LRP1B: variants seen among roughly 807,000 people sequenced by gnomAD.
LRP1B encodes LDL receptor related protein 1B.
LRP1B carries 217 observed loss-of-function variants against 556.6 expected under a neutral mutation model. The observed-to-expected ratio is 0.39, with a 90% CI of 0.35 to 0.44. The LOEUF (loss-of-function observed/expected upper bound fraction) is 0.44. Ranked by LOEUF, LRP1B falls within the 20% of genes least tolerant of loss-of-function variation. The pLI is 1.00. For missense variants in LRP1B, 5,053 were observed against 5,620.8 expected, an observed-to-expected ratio of 0.90 and a Z score of 3.23; for synonymous variants, 2,047 against 1,865.8, an observed-to-expected ratio of 1.10 and a Z score of -2.50.
At chr2:140,801,427 A>C (rs6429846) in intron 32 of LRP1B, among the ~76,000 whole-genome samples, 67,467 of 151,972 alleles carry the variant, frequency 0.44, 16,629 homozygotes, top group East Asian at 0.66. Flanking sequence ...GTTTACCCGG[A>C]TGTAGTGCAC....
chr2:141,464,594 A>ATTTTTTTTTTTTTTTTTT (rs1559084708), intron 3 of LRP1B, among the ~76,000 whole-genome samples: 1 of 34,772 alleles, frequency 2.9e-5, no homozygotes, highest in African/African-American at 6.2e-5. Context: ...GTATATATAT[A>ATTTTTTTTTTTTTTTTTT]TATATATATA....
In LRP1B at chr2:141,510,412, A is replaced by G. The variant is rs545945473; in HGVS notation, c.206-29879T>C. 2.0e-5 allele frequency among the ~76,000 whole-genome samples: 3 copies of G among 152,218 alleles called. No homozygotes were observed. The South Asian group carries it at 6.2e-4, about 32-fold the overall frequency. Reference sequence around the variant, plus strand: ...TGAGCATTTATATCTTCCAGTTCCAATCTCAGCAAAACAATGATTTTTTAA... The same window carrying G: ...TGAGCATTTATATCTTCCAGTTCCAGTCTCAGCAAAACAATGATTTTTTAA... On this transcript the variant is annotated intron_variant, in intron 2 of 90. Coordinates refer to ENST00000389484, the MANE Select transcript of LRP1B (RefSeq NM_018557.3).
intron 75 of LRP1B, among the ~76,000 whole-genome samples, chr2:140,355,529 T>G (rs1345998889): frequency 7.9e-5 from 12 of 151,988 alleles, no homozygotes; most frequent in Non-Finnish European, 1.6e-4. Flanking sequence ...AATTCCATTT[T>G]GATTAACACG....
intron 43 of LRP1B, among the ~76,000 whole-genome samples, chr2:140,567,415 C>A (rs1359098933): frequency 7.2e-5 from 11 of 152,164 alleles, no homozygotes; most frequent in Admixed American, 7.2e-4. Context: ...TTCAGCCATA[C>A]TTTGCTCCTC....
At chr2:141,135,874 T>C (rs1221675311) in intron 7 of LRP1B, among the ~76,000 whole-genome samples, 1 of 151,818 alleles carries the variant, frequency 6.6e-6, no homozygotes, top group Non-Finnish European at 1.5e-5. Context: ...TGCAAACTAA[T>C]TACCCCAAGC....
intron 2 of LRP1B, among the ~76,000 whole-genome samples, chr2:141,638,994 AT>A (rs371661123): frequency 0.03 from 1,685 of 56,754 alleles, 285 homozygotes; most frequent in African/African-American, 0.073. Flanking sequence ...TCAAAAAAAA[AT>A]ATATATATAT....
At position 140,737,880 on chromosome 2, in the gene LRP1B, G is replaced by A. The variant is rs148920750; in HGVS notation, c.5759-21064C>T. On this transcript the variant is annotated intron_variant, in intron 35 of 90. Transcript: ENST00000389484. ...TAATAGCCCTGGTGGCAGCTGCTACGCCAGATGAGGTATCATGCTAGAGCA... is the reference window on the plus strand; with the variant it reads ...TAATAGCCCTGGTGGCAGCTGCTACACCAGATGAGGTATCATGCTAGAGCA... 6.4e-3 allele frequency among the ~76,000 whole-genome samples: 973 copies of A among 152,260 alleles called. 13 individuals carry two copies. Among genetic ancestry groups the A allele is most frequent in the African/African-American group, 0.021 (881 of 41,546 alleles).
intron 2 of LRP1B, among the ~76,000 whole-genome samples, chr2:141,568,513 C>A (rs1240584903): frequency 6.6e-6 from 1 of 150,954 alleles, no homozygotes; most frequent in Non-Finnish European, 1.5e-5. Flanking sequence ...GTATATCCAT[C>A]AGAATTCGGC....
chr2:140,514,612 A>G, intron 51 of LRP1B, 41 bp downstream of exon 51: 1 of 1,570,842 alleles, frequency 6.4e-7, no homozygotes, highest in Admixed American at 1.8e-5. Context: ...AGCATATATA[A>G]TGCTTAAAAA....
chr2:140,601,386 C>T lies in LRP1B; in HGVS notation c.6989+64G>A, dbSNP rs866212733. ...TTTTAAAGTTAATTCTTAAAATTAA[C>T]AGAACTCTGATATTCTTTTGACTTA... On this transcript the variant is annotated intron_variant, in intron 42 of 90. Transcript: ENST00000389484. The T allele has an allele frequency of 1.2e-5, 14 of 1,212,742 alleles. No individual in the cohort carries two copies. In the Middle Eastern group the frequency reaches 2.3e-3, roughly 200 times the overall value. The allele number at this position is 1,212,742 out of a possible 1,614,324, so 75.1% of individuals were successfully genotyped here. A position where few individuals can be genotyped will look rare whatever the true frequency, so the allele number is the denominator to read the frequency against.
intron 3 of LRP1B, among the ~76,000 whole-genome samples, chr2:141,285,564 T>C (rs186459100): frequency 1.8e-3 from 265 of 146,352 alleles, no homozygotes; most frequent in African/African-American, 6.4e-3. Flanking sequence ...CAAGCGATTC[T>C]CCTGCCTCAG....
chr2:141,310,011 C>T (rs544909305), intron 3 of LRP1B, among the ~76,000 whole-genome samples: 332 of 152,214 alleles, frequency 2.2e-3, no homozygotes, highest in Non-Finnish European at 3.5e-3. Flanking sequence ...CAGTCTAAGA[C>T]ATTTTGTTAA....
At chr2:140,511,944 C>T (rs1426764450) in intron 51 of LRP1B, among the ~76,000 whole-genome samples, 1 of 152,004 alleles carries the variant, frequency 6.6e-6, no homozygotes. Context: ...CATAAAGTGT[C>T]CTTTTTATTA....
At position 140,309,673 on chromosome 2, in the gene LRP1B, T is replaced by A. The variant is rs552156682; in HGVS notation, c.12805+5262A>T. ...CAATATTTTAATTTCTAATAATAGT[T>A]TCTAATATAATTATTGTTGCTATTT... On this transcript the variant is annotated intron_variant, in intron 83 of 90. Transcript: ENST00000389484. 4.1e-4 allele frequency among the ~76,000 whole-genome samples: 63 copies of A among 151,928 alleles called. 1 individual carries two copies. In the South Asian group the frequency reaches 0.013, roughly 31 times the overall value.
chr2:140,950,140 AT>A, intron 20 of LRP1B, 94 bp downstream of exon 20: 1 of 940,080 alleles, frequency 1.1e-6, no homozygotes, highest in Non-Finnish European at 1.5e-6. Flanking sequence ...CTAATAAGCA[AT>A]TTCTTTTTAT....
intron 79 of LRP1B, among the ~76,000 whole-genome samples, chr2:140,328,723 A>AC (rs1680629070): frequency 2.6e-5 from 4 of 152,090 alleles, no homozygotes; most frequent in African/African-American, 9.7e-5. Flanking sequence ...CCATTATGTC[A>AC]AATTTATTTT....
intron 1 of LRP1B, among the ~76,000 whole-genome samples, chr2:142,067,349 A>G (rs1458546923): frequency 6.6e-6 from 1 of 151,526 alleles, no homozygotes; most frequent in Non-Finnish European, 1.5e-5. Context: ...CAGATAAAAA[A>G]AAAGTTTAAA....
Position 141,831,859 on chromosome 2 carries a change from A to G in LRP1B, c.83-21458T>C, listed in dbSNP as rs140550624. Among the ~76,000 whole-genome samples the G allele has an allele frequency of 5.2e-3, 791 of 151,738 alleles. 6 individuals are homozygous for G. Among genetic ancestry groups the G allele is most frequent in the African/African-American group, 0.017 (718 of 41,506 alleles). ...CTTTCTCTTCAGTTCTTTAAATCAT[A>G]TTAACTTTGATTAGCTAAAAACAGC... On this transcript the variant is annotated intron_variant, in intron 1 of 90. Coordinates refer to ENST00000389484, the MANE Select transcript of LRP1B (RefSeq NM_018557.3).
chr2:140,343,146 A>T (rs1197950100), intron 77 of LRP1B, among the ~76,000 whole-genome samples: 1 of 151,640 alleles, frequency 6.6e-6, no homozygotes, highest in Non-Finnish European at 1.5e-5. Flanking sequence ...TGGAAGAAGC[A>T]GAATTTTGAA....
Sources: gnomAD v4.1 joint callset for allele counts (sites outside exome capture counted in the v4.1 genomes callset) on GRCh38, gnomAD v4.1.1 for gene constraint, MANE v1.5 for transcripts, NCBI Gene and HGNC (gene_info 2026-07-23, HGNC 2026-07-21) for gene names.